Variants in LMO7 observed in about 807,000 individuals in gnomAD.
LMO7 encodes the protein LIM domain 7, also known as LIM domain only protein 7.
Under a neutral mutation model 206.5 loss-of-function variants are expected in LMO7, and 120 were observed. That is an observed-to-expected ratio of 0.58 (90% CI 0.50 to 0.68). The LOEUF is 0.68. Ranked by LOEUF, LMO7 falls within the 30% of genes least tolerant of loss-of-function variation. LMO7 has a pLI of 0.00. For synonymous variants in LMO7, 706 were observed against 681.5 expected (o/e 1.04, Z -0.56); for missense variants, 1,959 against 1,957.9 (o/e 1.00, Z -0.01).
At chr13:75,826,943 G>A (rs1489808386) in intron 15 of LMO7, among the ~76,000 whole-genome samples, 1 of 152,072 alleles carries the variant, frequency 6.6e-6, no homozygotes, top group African/African-American at 2.4e-5. Flanking sequence ...TCCCCCATTT[G>A]AAGATGCTTA....
intron 11 of LMO7, among the ~76,000 whole-genome samples, chr13:75,814,116 T>C (rs2056741248): frequency 6.6e-6 from 1 of 152,242 alleles, no homozygotes; most frequent in South Asian, 2.1e-4. Flanking sequence ...ATATATGTCC[T>C]CATATATTCT....
Position 75,858,134 on chromosome 13 carries a change from A to G in LMO7, c.*191A>G. ...ACCAGTATTTTTGTTGTTTATTTAT[A>G]AGGTAATTGTGTGTGGGGAAAAGTG... On this transcript the variant is annotated 3_prime_UTR_variant, in exon 31 of 31. Coordinates refer to ENST00000377534, the MANE Select transcript of LMO7 (RefSeq NM_001306080.2). 1 of 522,236 alleles carries G rather than the reference A, an allele frequency of 1.9e-6. No individual in the cohort carries two copies. Among genetic ancestry groups the G allele is most frequent in the Non-Finnish European group, 3.3e-6 (1 of 306,014 alleles). The allele number at this position is 522,236 out of a possible 1,614,324, so 32.4% of individuals were successfully genotyped here.
At chr13:75,856,686 A>G in intron 30 of LMO7, 78 bp downstream of exon 30, 1 of 826,094 alleles carries the variant, frequency 1.2e-6, no homozygotes, top group South Asian at 1.3e-5. Context: ...CTGAACCTGC[A>G]GCGAGCTCCC....
At chr13:75,710,406 T>C (rs1206392182) in intron 1 of LMO7, among the ~76,000 whole-genome samples, 8 of 152,324 alleles carry the variant, frequency 5.3e-5, no homozygotes, top group African/African-American at 9.6e-5. Context: ...GCCATTTTCA[T>C]GATATTGATT....
intron 8 of LMO7, 46 bp downstream of exon 8, chr13:75,804,587 A>G (rs777689149): frequency 1.3e-6 from 2 of 1,578,336 alleles, no homozygotes; most frequent in Non-Finnish European, 1.7e-6. Flanking sequence ...CTTTTCGAAT[A>G]TGGTAGGATG....
At chr13:75,713,999 G>C (rs903470889) in intron 2 of LMO7, among the ~76,000 whole-genome samples, 2 of 152,188 alleles carry the variant, frequency 1.3e-5, no homozygotes, top group African/African-American at 4.8e-5. Flanking sequence ...GAATGTACTT[G>C]AGTACTCACC....
rs564094993 is a variant in LMO7, at chr13:75,744,967, C to T, written c.211-15965C>T. 3.3e-5 allele frequency among the ~76,000 whole-genome samples: 5 copies of T among 152,182 alleles called. No homozygotes were observed. In the South Asian group the frequency reaches 1.0e-3, roughly 32 times the overall value. Reference sequence around the variant, plus strand: ...GAAATGGCATATCAGCTCCAGATGCCAAGAATTACAGTGAAAAAATATATA... The same window carrying T: ...GAAATGGCATATCAGCTCCAGATGCTAAGAATTACAGTGAAAAAATATATA... On this transcript the variant is annotated intron_variant, in intron 3 of 30. Coordinates refer to ENST00000377534, the MANE Select transcript of LMO7 (RefSeq NM_001306080.2).
chr13:75,795,639 G>A (rs1318916820), intron 5 of LMO7, among the ~76,000 whole-genome samples: 8 of 152,186 alleles, frequency 5.3e-5, no homozygotes, highest in East Asian at 1.9e-4. Flanking sequence ...AAGGGAGAAC[G>A]TGTGGTATTT....
At chr13:75,622,827 G>A (rs1332599682) in intron 1 of LMO7, among the ~76,000 whole-genome samples, 1 of 152,136 alleles carries the variant, frequency 6.6e-6, no homozygotes, top group Admixed American at 6.5e-5. Context: ...AATAACTCCA[G>A]CTTTTTTTGG....
intron 1 of LMO7, among the ~76,000 whole-genome samples, chr13:75,689,971 G>T (rs1351544376): frequency 6.6e-6 from 1 of 151,742 alleles, no homozygotes; most frequent in Non-Finnish European, 1.5e-5. Flanking sequence ...AGAGAACCCT[G>T]ACTAATACAC....
intron 3 of LMO7, among the ~76,000 whole-genome samples, chr13:75,729,970 G>A (rs566806174): frequency 2.0e-5 from 3 of 152,160 alleles, no homozygotes; most frequent in African/African-American, 7.2e-5. Context: ...GCATCCCAGG[G>A]ATGAAGCCCA....
intron 28 of LMO7, chr13:75,854,878 G>A (rs143479128): frequency 6.3e-4 from 100 of 158,824 alleles, no homozygotes; most frequent in African/African-American, 2.0e-3. Context: ...GCTCTGAGGG[G>A]GTAGGAGGAC....
chr13:75,814,005 G>A (rs1224563583), intron 11 of LMO7, among the ~76,000 whole-genome samples: 1 of 152,052 alleles, frequency 6.6e-6, no homozygotes, highest in Non-Finnish European at 1.5e-5. Flanking sequence ...ATTCTTCATA[G>A]TATGACTTAC....
intron 2 of LMO7, among the ~76,000 whole-genome samples, chr13:75,629,927 G>A (rs939597541): frequency 4.5e-4 from 68 of 152,274 alleles, no homozygotes; most frequent in African/African-American, 1.6e-3. Flanking sequence ...GAAGGTTGTG[G>A]GATGAGGTAG....
chr13:75,758,328 C>T (rs931113578), intron 3 of LMO7, among the ~76,000 whole-genome samples: 2 of 151,320 alleles, frequency 1.3e-5, no homozygotes, highest in African/African-American at 2.4e-5. Flanking sequence ...TTATATATAC[C>T]CTTAGGGACC....
At chr13:75,623,059 C>T (rs908455916) in intron 1 of LMO7, among the ~76,000 whole-genome samples, 7 of 152,126 alleles carry the variant, frequency 4.6e-5, no homozygotes, top group Admixed American at 1.3e-4. Flanking sequence ...AAAATTTAAA[C>T]TTAAAATATT....
At chr13:75,797,053 T>C (rs1052847559) in intron 6 of LMO7, among the ~76,000 whole-genome samples, 2 of 152,232 alleles carry the variant, frequency 1.3e-5, no homozygotes, top group Non-Finnish European at 2.9e-5. Context: ...ACACACTTTA[T>C]GTAGCTTAAG....
At chr13:75,710,803 C>T (rs2043041936) in intron 1 of LMO7, among the ~76,000 whole-genome samples, 1 of 152,018 alleles carries the variant, frequency 6.6e-6, no homozygotes, top group African/African-American at 2.4e-5. Context: ...CTTTTCCTGC[C>T]TGATTGCCCT....
intron 4 of LMO7, among the ~76,000 whole-genome samples, chr13:75,770,592 C>T (rs1202614668): frequency 6.6e-6 from 1 of 152,006 alleles, no homozygotes; most frequent in Non-Finnish European, 1.5e-5. Flanking sequence ...TCTTAAGGAA[C>T]AGAAGTGATT....
Sources: gnomAD v4.1 joint callset for allele counts (sites outside exome capture counted in the v4.1 genomes callset) on GRCh38, gnomAD v4.1.1 for gene constraint, MANE v1.5 for transcripts, NCBI Gene and HGNC (gene_info 2026-07-23, HGNC 2026-07-21) for gene names.